The following AFG2A variants were observed in gnomAD, a reference collection of about 807,000 sequenced individuals.
The protein encoded by AFG2A is ATPase family gene 2 protein homolog A.
At chr4:123,273,633 T>C in the AFG2A span, among the ~76,000 whole-genome samples, 1 of 152,074 alleles carries the variant, frequency 6.6e-6, no homozygotes, top group Admixed American at 6.6e-5. Flanking sequence ...ATCCAAAACT[T>C]TTTGAGCACG....
the AFG2A span, among the ~76,000 whole-genome samples, chr4:123,004,508 TCTTAG>T: frequency 1.3e-5 from 2 of 152,262 alleles, no homozygotes; most frequent in Non-Finnish European, 2.9e-5. Flanking sequence ...ATCTAGTGTT[TCTTAG>T]TCTGTCAATA....
the AFG2A span, among the ~76,000 whole-genome samples, chr4:123,304,788 C>G: frequency 2.0e-5 from 3 of 152,142 alleles, no homozygotes; most frequent in South Asian, 4.1e-4. Flanking sequence ...CTGCCGTGAC[C>G]GAGCGCAGAG....
chr4:123,181,963 C>T, the AFG2A span, among the ~76,000 whole-genome samples: 5 of 152,112 alleles, frequency 3.3e-5, no homozygotes, highest in African/African-American at 1.2e-4. Flanking sequence ...AGCTATATGG[C>T]ATGTGAATTC....
chr4:123,185,148 A>G, the AFG2A span, among the ~76,000 whole-genome samples: 1 of 152,182 alleles, frequency 6.6e-6, no homozygotes, highest in African/African-American at 2.4e-5. Flanking sequence ...TTTTGAAAGT[A>G]TTAAGTTCAG....
At chr4:123,098,457 C>T in the AFG2A span, among the ~76,000 whole-genome samples, 1 of 151,838 alleles carries the variant, frequency 6.6e-6, no homozygotes, top group Non-Finnish European at 1.5e-5. Flanking sequence ...GTACAATAGA[C>T]CTCTTGAACT....
the AFG2A span, among the ~76,000 whole-genome samples, chr4:123,272,740 A>G: frequency 3.3e-5 from 5 of 152,100 alleles, no homozygotes; most frequent in Non-Finnish European, 7.4e-5. Context: ...CAAAAACTAG[A>G]TCGTAGAGAA....
chr4:122,928,682 C>A, the AFG2A span, among the ~76,000 whole-genome samples: 1 of 152,134 alleles, frequency 6.6e-6, no homozygotes, highest in Non-Finnish European at 1.5e-5. Context: ...GATTACTTTA[C>A]AAGTTATTTT....
At chr4:123,189,170 A>C in the AFG2A span, among the ~76,000 whole-genome samples, 1 of 152,324 alleles carries the variant, frequency 6.6e-6, no homozygotes, top group Admixed American at 6.5e-5. Context: ...ACAGGAAAGA[A>C]CTGGCCCAAA....
the AFG2A span, among the ~76,000 whole-genome samples, chr4:123,228,144 G>A: frequency 0.011 from 1,685 of 152,168 alleles, 10 homozygotes; most frequent in African/African-American, 0.014. Context: ...CCTGAATACA[G>A]CACACTGATG....
At chr4:123,243,604 G>C in the AFG2A span, among the ~76,000 whole-genome samples, 1 of 152,234 alleles carries the variant, frequency 6.6e-6, no homozygotes, top group East Asian at 1.9e-4. Context: ...TCAGGTGGTG[G>C]GGGGCTGGGG....
chr4:123,196,396 T>C, the AFG2A span, among the ~76,000 whole-genome samples: 12 of 152,084 alleles, frequency 7.9e-5, no homozygotes, highest in African/African-American at 2.9e-4. Flanking sequence ...CATATTTCTC[T>C]TATCACTAAG....
the AFG2A span, among the ~76,000 whole-genome samples, chr4:122,987,409 A>G: frequency 2.0e-5 from 3 of 152,102 alleles, no homozygotes; most frequent in East Asian, 3.9e-4. Context: ...GGAGAATTTA[A>G]TGTTCCATTT....
At chr4:123,149,907 G>A in the AFG2A span, among the ~76,000 whole-genome samples, 1 of 143,626 alleles carries the variant, frequency 7.0e-6, no homozygotes, top group African/African-American at 2.7e-5. Context: ...CTAGGATCAA[G>A]CAATTCTTCT....
chr4:123,047,529 CTTAA>C, the AFG2A span, among the ~76,000 whole-genome samples: 2 of 151,896 alleles, frequency 1.3e-5, no homozygotes, highest in Admixed American at 6.6e-5. Context: ...TCTTCACTTT[CTTAA>C]TTGTTTCCTT....
At chr4:122,935,589 A>T in the AFG2A span, 1 of 1,147,708 alleles carries the variant, frequency 8.7e-7, no homozygotes, top group Non-Finnish European at 1.2e-6. Context: ...GGGGAGAAAA[A>T]ACTCTTGACT....
At chr4:123,070,199 A>G in the AFG2A span, among the ~76,000 whole-genome samples, 20 of 152,306 alleles carry the variant, frequency 1.3e-4, no homozygotes, top group East Asian at 3.5e-3. Context: ...AAAAGATTTA[A>G]AAGGTATCTT....
At chr4:123,262,221 C>T in the AFG2A span, among the ~76,000 whole-genome samples, 1 of 152,164 alleles carries the variant, frequency 6.6e-6, no homozygotes, top group African/African-American at 2.4e-5. Context: ...ATGGGTGGTA[C>T]ATTTATGTAT....
chr4:122,968,254 T>TG, the AFG2A span, among the ~76,000 whole-genome samples: 2 of 152,222 alleles, frequency 1.3e-5, 1 homozygote, highest in South Asian at 4.1e-4. Context: ...TTTTTTTACT[T>TG]GCGCCACACT....
the AFG2A span, among the ~76,000 whole-genome samples, chr4:122,988,819 T>C: frequency 6.6e-6 from 1 of 152,214 alleles, no homozygotes; most frequent in Non-Finnish European, 1.5e-5. Flanking sequence ...CTCTTCATTC[T>C]TTTTTCTTTT....
Sources: allele counts gnomAD v4.1 joint callset (sites outside exome capture counted in the v4.1 genomes callset), GRCh38; gene constraint gnomAD v4.1.1; transcripts MANE v1.5; gene names NCBI Gene and HGNC (gene_info 2026-07-23, HGNC 2026-07-21).